The following MYO19 variants were observed in gnomAD, a reference collection of about 807,000 sequenced individuals.
MYO19 encodes unconventional myosin-XIX.
A neutral mutation model predicts 129.2 loss-of-function variants in MYO19; 132 were observed. The observed-to-expected ratio is 1.02, with a 90% CI of 0.89 to 1.18. MYO19 has a LOEUF of 1.18. MYO19 is among the 50% of genes most tolerant of loss of function. MYO19 has a pLI of 0.00. For synonymous variants in MYO19, 531 were observed against 477.2 expected, an observed-to-expected ratio of 1.11 and a Z score of -1.47; for missense variants, 1,210 against 1,216.7, an observed-to-expected ratio of 0.99 and a Z score of 0.08.
chr17:36,535,945 A>G (rs1234131464), upstream of MYO19, among the ~76,000 whole-genome samples: 1 of 151,764 alleles, frequency 6.6e-6, no homozygotes, highest in Non-Finnish European at 1.5e-5. Flanking sequence ...AACTGATTTG[A>G]GTTGGTTACT....
chr17:36,537,715 C>T, upstream of MYO19: 1 of 1,614,162 alleles, frequency 6.2e-7, no homozygotes, highest in South Asian at 1.1e-5. Context: ...TCATTGTACT[C>T]TGTTTGGCCA....
chr17:36,544,194 T>A, upstream of MYO19, among the ~76,000 whole-genome samples: 1 of 152,140 alleles, frequency 6.6e-6, no homozygotes, highest in Non-Finnish European at 1.5e-5. Flanking sequence ...CCCAAGAAGT[T>A]CCTTTGGCCA....
chr17:36,543,203 C>G (rs761138215), exon 1 of MYO19: 1 of 152,076 alleles, frequency 6.6e-6, no homozygotes, highest in Admixed American at 6.5e-5. Flanking sequence ...TCGCCCAGGC[C>G]GGAGCACAAT....
chr17:36,500,909 G>T lies in MYO19; in HGVS notation c.2298C>A (p.Arg766=). The T allele has an allele frequency of 6.2e-7, 1 of 1,609,864 alleles. No individual in the cohort carries two copies. The highest frequency in any genetic ancestry group is 1.1e-5 in the South Asian group (1 of 90,972). The change falls in exon 23 of 26, where the codon CGC becomes CGA. Residue 766 remains arginine, a synonymous_variant. Transcript: ENST00000614623. ...GTCGCCTCCAGCCACCCTGGATGCA[G>T]CGGGCACACTGCTCCAGCACCCGGG... is the stretch of plus-strand genomic sequence containing the variant. The part of the protein sequence containing the change: ...GRARVLEQCA[R]CIQGGWRRHR...
Position 36,495,795 on chromosome 17 carries a change from TAAATA to T in MYO19, c.*451_*455del, listed in dbSNP as rs1350953890. 3 of 1,240,004 alleles carry T rather than the reference TAAATA, an allele frequency of 2.4e-6. No homozygotes were observed. Among genetic ancestry groups the T allele is most frequent in the Non-Finnish European group, 2.0e-6 (2 of 992,244 alleles). The allele number at this position is 1,240,004 out of a possible 1,614,324, so 76.8% of individuals were successfully genotyped here. The stretch of plus-strand genomic sequence containing the variant: ...ATAATTTAATTGTTTGAAATTACAT[TAAATA>T]AATCAACTAATTAAATACTAAAGTT... On this transcript the variant is annotated 3_prime_UTR_variant, in exon 26 of 26. Coordinates refer to ENST00000614623, the MANE Select transcript of MYO19 (RefSeq NM_001163735.2).
chr17:36,507,973 G>A, intron 14 of MYO19, 49 bp from the exon 15 acceptor site: 1 of 1,524,980 alleles, frequency 6.6e-7, no homozygotes, highest in Non-Finnish European at 8.8e-7. Flanking sequence ...GAGCAGATGG[G>A]GAATAGGGGA....
chr17:36,532,616 G>A lies in MYO19; in HGVS notation c.-78C>T, dbSNP rs373712265. ...ACTATCCACCTAGTCATGGGACCAT[G>A]GGCTGGGGTATGGTTCCAACAAAGG... On this transcript the variant is annotated 5_prime_UTR_variant, in exon 3 of 26. Transcript: ENST00000614623. The A allele has an allele frequency of 2.0e-4, 298 of 1,509,686 alleles. 1 individual carries two copies. Among genetic ancestry groups the A allele is most frequent in the Non-Finnish European group, 2.5e-4 (274 of 1,109,202 alleles). 93.5% of individuals were successfully genotyped at this position (1,509,686 alleles called of 1,614,324 possible).
chr17:36,522,807 A>C (rs1454835707), intron 6 of MYO19, among the ~76,000 whole-genome samples: 1 of 152,124 alleles, frequency 6.6e-6, no homozygotes, highest in Non-Finnish European at 1.5e-5. Flanking sequence ...GGAGATCGAG[A>C]CCATCCTGGC....
chr17:36,515,728 G>T, intron 7 of MYO19, 130 bp downstream of exon 7: 1 of 932,120 alleles, frequency 1.1e-6, no homozygotes, highest in Non-Finnish European at 1.6e-6. Flanking sequence ...GGGATCTGAG[G>T]CAGTGAAGGA....
intron 24 of MYO19, 59 bp downstream of exon 24, chr17:36,499,016 G>A (rs1014582994): frequency 1.5e-6 from 2 of 1,372,276 alleles, no homozygotes; most frequent in Non-Finnish European, 1.0e-6. Context: ...TCCCACTCGG[G>A]TCCATCTGGT....
chr17:36,541,886 T>G (rs1231145431), intron 2 of MYO19, among the ~76,000 whole-genome samples: 1 of 152,236 alleles, frequency 6.6e-6, no homozygotes, highest in East Asian at 1.9e-4. Flanking sequence ...TAAAAATAAG[T>G]GCCTACTCTA....
chr17:36,532,853 GAGAGCCTC>G (rs2073906875), intron 2 of MYO19, among the ~76,000 whole-genome samples, 172 bp from the exon 3 acceptor site: 1 of 152,152 alleles, frequency 6.6e-6, no homozygotes, highest in Non-Finnish European at 1.5e-5. Context: ...AAACTTTTAT[GAGAGCCTC>G]AGAGGCTCCC....
intron 8 of MYO19, among the ~76,000 whole-genome samples, 187 bp from the exon 9 acceptor site, chr17:36,514,735 T>A (rs905089272): frequency 6.6e-5 from 10 of 152,224 alleles, no homozygotes; most frequent in Admixed American, 2.0e-4. Flanking sequence ...TTCCCCTGCA[T>A]CTAGCTCAGG....
intron 6 of MYO19, among the ~76,000 whole-genome samples, chr17:36,523,032 A>C (rs958499748): frequency 1.3e-5 from 2 of 150,966 alleles, no homozygotes; most frequent in African/African-American, 4.9e-5. Context: ...AACAAAAAAA[A>C]AAAACTTTGC....
At chr17:36,534,299 C>T (rs1448823188) in intron 1 of MYO19, 195 bp from the exon 2 acceptor site, 2 of 152,224 alleles carry the variant, frequency 1.3e-5, no homozygotes, top group Admixed American at 6.5e-5. Flanking sequence ...CGGCGGGAAC[C>T]GGGGACTCAA....
rs140221884 is a variant in MYO19, at chr17:36,511,424, A to G, written c.926T>C (p.Ile309Thr). 5.5e-5 allele frequency: 86 copies of G among 1,570,124 alleles called. No individual in the cohort carries two copies. In the Middle Eastern group the frequency reaches 1.2e-3, roughly 21 times the overall value. Residue 309 changes from isoleucine (I) to threonine (T), a missense_variant, in exon 12 of 26, where the codon ATC becomes ACC. Ile to Thr is a moderately conservative substitution (Grantham distance 89). Coordinates refer to ENST00000614623, the MANE Select transcript of MYO19 (RefSeq NM_001163735.2). ...TTCATCCTCGGAGGCAGCAAACTGG[A>G]TATTGCCAAGGTGCAGCAGTCCAGC... ...VLAGLLHLGN[I>T]QFAASEDEAQ...
chr17:36,509,900 T>G (rs2072198545), intron 13 of MYO19: 2 of 152,228 alleles, frequency 1.3e-5, no homozygotes, highest in Admixed American at 1.3e-4. Context: ...GACCTCAAAT[T>G]GTGACCTGAA....
intron 13 of MYO19, chr17:36,509,411 G>A (rs1374344027): frequency 3.8e-6 from 2 of 524,812 alleles, no homozygotes; most frequent in African/African-American, 3.8e-5. Context: ...CTAGGCTGGG[G>A]AGGGAATCAG....
rs757720951 is a variant in MYO19, at chr17:36,507,132, C to T, written c.1475G>A (p.Arg492His). 30 of 1,600,182 alleles carry T rather than the reference C, an allele frequency of 1.9e-5. No homozygotes were observed. The highest frequency in any genetic ancestry group is 2.2e-5 in the East Asian group (1 of 44,518). ...SICSLINEEC[R>H]LNRPSSAAQL... Reference sequence around the variant, plus strand: ...GGCTGCGCTGCTGGGTCGATTGAGGCGGCATTCCTGTGGGATGGGAACAGG... The same window carrying T: ...GGCTGCGCTGCTGGGTCGATTGAGGTGGCATTCCTGTGGGATGGGAACAGG... Residue 492 changes from arginine to histidine, a missense_variant, in exon 17 of 26, where the codon CGC becomes CAC. Transcript: ENST00000614623.
Sources: allele counts gnomAD v4.1 joint callset (sites outside exome capture counted in the v4.1 genomes callset), GRCh38; gene constraint gnomAD v4.1.1; transcripts MANE v1.5; gene names NCBI Gene and HGNC (gene_info 2026-07-23, HGNC 2026-07-21).